The following COL21A1 variants were observed in gnomAD, a reference collection of about 807,000 sequenced individuals.
COL21A1 encodes the protein collagen type XXI alpha 1 chain.
Under a neutral mutation model 137.9 loss-of-function variants are expected in COL21A1, and 149 were observed. The ratio of observed to expected loss-of-function variants is 1.08; its 90% CI spans 0.95 to 1.24. The LOEUF is 1.24. Ranked by LOEUF, COL21A1 falls within the 50% of genes most tolerant of loss-of-function variation. COL21A1 has a pLI of 0.00. For missense variants in COL21A1, 1,167 were observed against 1,158.4 expected, an observed-to-expected ratio of 1.01 and a Z score of -0.11; for synonymous variants, 456 against 391.5, an observed-to-expected ratio of 1.16 and a Z score of -1.95.
intron 1 of COL21A1, among the ~76,000 whole-genome samples, chr6:56,288,473 T>C (rs1763966058): frequency 1.3e-5 from 2 of 152,216 alleles, no homozygotes; most frequent in South Asian, 4.1e-4. Flanking sequence ...TTCCTGCAAT[T>C]ATGCTCAAGA....
chr6:56,306,902 G>T (rs4370352), intron 1 of COL21A1, among the ~76,000 whole-genome samples: 128,359 of 152,122 alleles, frequency 0.84, 56,120 homozygotes, highest in South Asian at 0.97. Flanking sequence ...TGGGGTTTTG[G>T]TGTGGATGTC....
chr6:56,109,304 T>TA (rs113826343), intron 16 of COL21A1, among the ~76,000 whole-genome samples: 34 of 150,878 alleles, frequency 2.3e-4, no homozygotes, highest in African/African-American at 6.5e-4. Context: ...CATATAAAAG[T>TA]AAAAAAAAGA....
At chr6:56,280,470 G>C (rs113924996) in intron 1 of COL21A1, among the ~76,000 whole-genome samples, 1 of 152,110 alleles carries the variant, frequency 6.6e-6, no homozygotes, top group Non-Finnish European at 1.5e-5. Context: ...GACCTGGCCC[G>C]CTGGAGATGA....
At chr6:56,299,208 A>G (rs1449748714) in intron 1 of COL21A1, among the ~76,000 whole-genome samples, 2 of 152,120 alleles carry the variant, frequency 1.3e-5, no homozygotes, top group African/African-American at 4.8e-5. Context: ...CTATCCAGCT[A>G]AAAATTCTTA....
chr6:56,196,078 TAA>T (rs1395744286), intron 1 of COL21A1, among the ~76,000 whole-genome samples: 1 of 152,162 alleles, frequency 6.6e-6, no homozygotes. Context: ...GGTAAATCAA[TAA>T]ACATGATGTA....
At chr6:56,130,994 T>G (rs1015028346) in intron 12 of COL21A1, among the ~76,000 whole-genome samples, 14 of 152,162 alleles carry the variant, frequency 9.2e-5, no homozygotes, top group African/African-American at 3.1e-4. Context: ...GCTCCTGTGT[T>G]GGCCTCTGAG....
chr6:56,068,579 A>G (rs1287426350), intron 22 of COL21A1, among the ~76,000 whole-genome samples: 4 of 151,612 alleles, frequency 2.6e-5, no homozygotes, highest in African/African-American at 9.7e-5. Flanking sequence ...TTAATTTTAA[A>G]TAAACTTCTA....
At chr6:56,288,254 G>GA (rs56038492) in intron 1 of COL21A1, among the ~76,000 whole-genome samples, 7 of 145,954 alleles carry the variant, frequency 4.8e-5, no homozygotes, top group African/African-American at 7.4e-5. Context: ...AAAAATAAAA[G>GA]AAAAAAAAAA....
chr6:56,378,703 T>G (rs1345122891), intron 1 of COL21A1, among the ~76,000 whole-genome samples: 15 of 152,140 alleles, frequency 9.9e-5, no homozygotes, highest in African/African-American at 3.6e-4. Context: ...CACTTGCTGA[T>G]TATAGAGCCC....
chr6:56,221,695 T>G (rs1168347843), intron 1 of COL21A1, among the ~76,000 whole-genome samples: 1 of 152,034 alleles, frequency 6.6e-6, no homozygotes, highest in East Asian at 1.9e-4. Flanking sequence ...CTGCACTGAG[T>G]GACAGAACAA....
At chr6:56,279,393 C>T (rs1393866926) in intron 1 of COL21A1, among the ~76,000 whole-genome samples, 2 of 152,138 alleles carry the variant, frequency 1.3e-5, no homozygotes, top group Non-Finnish European at 2.9e-5. Flanking sequence ...TGAGAACTGA[C>T]TAATACAGTT....
chr6:56,226,469 A>C (rs1241690670), intron 1 of COL21A1, among the ~76,000 whole-genome samples: 1 of 152,068 alleles, frequency 6.6e-6, no homozygotes, highest in East Asian at 1.9e-4. Flanking sequence ...TTTATATATT[A>C]TATCAATATA....
intron 1 of COL21A1, among the ~76,000 whole-genome samples, chr6:56,272,435 C>G (rs1442956090): frequency 6.6e-6 from 1 of 152,140 alleles, no homozygotes; most frequent in Non-Finnish European, 1.5e-5. Flanking sequence ...ATTTTACAGG[C>G]TCATAGGCGG....
intron 12 of COL21A1, among the ~76,000 whole-genome samples, chr6:56,130,899 A>G (rs12191931): frequency 0.15 from 22,826 of 152,132 alleles, 1,747 homozygotes; most frequent in Middle Eastern, 0.22. Flanking sequence ...GTTATTTATA[A>G]GGTTTAACAG....
chr6:56,185,107 C>G (rs2152285143), intron 1 of COL21A1, among the ~76,000 whole-genome samples: 1 of 149,936 alleles, frequency 6.7e-6, no homozygotes, highest in South Asian at 2.1e-4. Context: ...GCTTTAAAAG[C>G]ATATATTAAA....
At chr6:56,385,884 T>C (rs896999360) in intron 1 of COL21A1, among the ~76,000 whole-genome samples, 1 of 152,090 alleles carries the variant, frequency 6.6e-6, no homozygotes, top group African/African-American at 2.4e-5. Context: ...TGTTGCAGCA[T>C]GTGTCAGTAC....
intron 2 of COL21A1, among the ~76,000 whole-genome samples, chr6:56,181,907 G>A (rs1023303845): frequency 1.3e-5 from 2 of 152,122 alleles, no homozygotes; most frequent in Admixed American, 6.5e-5. Flanking sequence ...TGTTAAGCAA[G>A]CTTTAAATAT....
At chr6:56,228,324 G>T (rs1009014918) in intron 1 of COL21A1, among the ~76,000 whole-genome samples, 2 of 151,934 alleles carry the variant, frequency 1.3e-5, no homozygotes, top group Non-Finnish European at 2.9e-5. Context: ...AGGACAGTGA[G>T]AGCAGAAAGT....
intron 1 of COL21A1, among the ~76,000 whole-genome samples, chr6:56,339,605 A>T (rs1765422346): frequency 6.6e-6 from 1 of 152,208 alleles, no homozygotes. Context: ...GGTAGCACAC[A>T]CTTCATTAAA....
Sources: gnomAD v4.1 joint callset for allele counts (sites outside exome capture counted in the v4.1 genomes callset) on GRCh38, gnomAD v4.1.1 for gene constraint, MANE v1.5 for transcripts, NCBI Gene and HGNC (gene_info 2026-07-23, HGNC 2026-07-21) for gene names.